Variants in MLLT3 observed in about 807,000 individuals in gnomAD.
The protein encoded by MLLT3 is MLLT3 super elongation complex subunit, also known as protein AF-9.
MLLT3 carries 4 observed loss-of-function variants against 53.2 expected under a neutral mutation model. The observed-to-expected ratio is 0.08, with a 90% confidence interval of 0.04 to 0.17. MLLT3 has a LOEUF of 0.17. Ranked by LOEUF, MLLT3 falls within the 10% of genes least tolerant of loss-of-function variation. The pLI is 1.00. For missense variants in MLLT3, 569 were observed against 684.0 expected (o/e 0.83, Z 1.87); for synonymous variants, 283 against 230.6 (o/e 1.23, Z -2.06).
chr9:20,470,837 C>T (rs1477795430), intron 2 of MLLT3, among the ~76,000 whole-genome samples: 1 of 151,918 alleles, frequency 6.6e-6, no homozygotes, highest in Admixed American at 6.6e-5. Flanking sequence ...CATGCATTTG[C>T]TCTCACACAT....
intron 2 of MLLT3, among the ~76,000 whole-genome samples, chr9:20,497,646 T>C (rs955096164): frequency 4.6e-5 from 7 of 152,214 alleles, no homozygotes; most frequent in Non-Finnish European, 7.3e-5. Flanking sequence ...CATTCCTCTT[T>C]ATTGCTGAGT....
rs553550882 is a variant in MLLT3 at position 20,572,255 on chromosome 9, G to T, written c.193+48399C>A. On this transcript the variant is annotated intron_variant, in intron 2 of 10. Transcript: ENST00000380338. ...GATGTTGGCCAAAGGGCACAAAGCTGCAGTTAAATGGAAGGAATAAGTTCT... is the reference window on the plus strand; with the variant it reads ...GATGTTGGCCAAAGGGCACAAAGCTTCAGTTAAATGGAAGGAATAAGTTCT... Among the ~76,000 whole-genome samples the T allele has an allele frequency of 5.9e-5, 9 of 152,226 alleles. No homozygotes were observed. The East Asian group carries it at 1.7e-3, about 29-fold the overall frequency.
At chr9:20,385,685 T>C (rs1822016731) in intron 5 of MLLT3, among the ~76,000 whole-genome samples, 1 of 152,134 alleles carries the variant, frequency 6.6e-6, no homozygotes, top group African/African-American at 2.4e-5. Flanking sequence ...CACTCCCAAG[T>C]CACAACATTT....
At chr9:20,472,267 C>G (rs1824414349) in intron 2 of MLLT3, among the ~76,000 whole-genome samples, 1 of 151,830 alleles carries the variant, frequency 6.6e-6, no homozygotes, top group Non-Finnish European at 1.5e-5. Flanking sequence ...TTCAAGTTAC[C>G]ATGTATTTCC....
chr9:20,437,023 A>C (rs1823423649), intron 4 of MLLT3, among the ~76,000 whole-genome samples: 1 of 152,128 alleles, frequency 6.6e-6, no homozygotes, highest in African/African-American at 2.4e-5. Flanking sequence ...TAATGTGCCC[A>C]AAGACACACA....
In MLLT3 at chr9:20,363,608, G is replaced by A; in HGVS notation, c.1202-3C>T. ...TTTCATTATAGACCTCAAAGGACCT[G>A]AGTAATGACAATGAACCACAGGCAA... On this transcript the variant is annotated splice_region_variant and splice_polypyrimidine_tract_variant and intron_variant, in intron 6 of 10. Transcript: ENST00000380338. The A allele has an allele frequency of 1.2e-6, 2 of 1,613,010 alleles. No homozygotes were observed. Among genetic ancestry groups the A allele is most frequent in the Non-Finnish European group, 1.7e-6 (2 of 1,179,790 alleles).
intron 3 of MLLT3, among the ~76,000 whole-genome samples, chr9:20,454,634 G>A (rs74706094): frequency 0.021 from 3,266 of 152,222 alleles, 125 homozygotes; most frequent in African/African-American, 0.074. Context: ...CTGGCTTGAA[G>A]GGCTAGATTA....
intron 4 of MLLT3, among the ~76,000 whole-genome samples, chr9:20,442,278 T>C (rs1179820591): frequency 3.3e-5 from 5 of 152,028 alleles, no homozygotes; most frequent in Admixed American, 1.3e-4. Flanking sequence ...AGGCATAGAG[T>C]AGTATAACCT....
chr9:20,483,719 T>C (rs74367776), intron 2 of MLLT3, among the ~76,000 whole-genome samples: 2 of 142,984 alleles, frequency 1.4e-5, no homozygotes, highest in Non-Finnish European at 3.0e-5. Context: ...TTTTTTTTTT[T>C]TTTTCCGAGA....
At chr9:20,468,091 G>T (rs1382177394) in intron 2 of MLLT3, among the ~76,000 whole-genome samples, 1 of 152,164 alleles carries the variant, frequency 6.6e-6, no homozygotes, top group Non-Finnish European at 1.5e-5. Context: ...TAATGCTATT[G>T]CCTACTTCAT....
chr9:20,526,157 A>G (rs774380163), intron 2 of MLLT3, among the ~76,000 whole-genome samples: 7 of 152,232 alleles, frequency 4.6e-5, no homozygotes, highest in African/African-American at 7.2e-5. Flanking sequence ...ACACTCTGCT[A>G]GCTGACAATA....
intron 2 of MLLT3, among the ~76,000 whole-genome samples, chr9:20,475,555 A>G (rs1243176473): frequency 6.6e-6 from 1 of 152,158 alleles, no homozygotes; most frequent in African/African-American, 2.4e-5. Flanking sequence ...TAAGTCATGT[A>G]TATATGAAGG....
At chr9:20,434,757 C>T (rs1823361729) in intron 4 of MLLT3, among the ~76,000 whole-genome samples, 1 of 152,074 alleles carries the variant, frequency 6.6e-6, no homozygotes, top group African/African-American at 2.4e-5. Context: ...ATCTATATCA[C>T]ACACAAAAAC....
intron 2 of MLLT3, among the ~76,000 whole-genome samples, chr9:20,550,152 G>C (rs147500712): frequency 4.9e-4 from 75 of 152,222 alleles, no homozygotes; most frequent in African/African-American, 1.7e-3. Context: ...CTAATCCCAC[G>C]TAACAAGGTT....
At chr9:20,612,618 C>T (rs1270401447) in intron 2 of MLLT3, among the ~76,000 whole-genome samples, 1 of 151,744 alleles carries the variant, frequency 6.6e-6, no homozygotes, top group Non-Finnish European at 1.5e-5. Context: ...AAATGACAAG[C>T]AACCCAATCT....
At chr9:20,503,755 C>T (rs1825307370) in intron 2 of MLLT3, among the ~76,000 whole-genome samples, 1 of 152,060 alleles carries the variant, frequency 6.6e-6, no homozygotes, top group African/African-American at 2.4e-5. Flanking sequence ...AATCAACACA[C>T]TGAAAGACAA....
intron 2 of MLLT3, among the ~76,000 whole-genome samples, chr9:20,462,985 G>T (rs1317088775): frequency 6.6e-6 from 1 of 152,022 alleles, no homozygotes; most frequent in African/African-American, 2.4e-5. Context: ...TGAAAACAAT[G>T]AAACAACAGA....
At chr9:20,507,885 G>A (rs1825425320) in intron 2 of MLLT3, among the ~76,000 whole-genome samples, 1 of 151,646 alleles carries the variant, frequency 6.6e-6, no homozygotes, top group East Asian at 1.9e-4. Flanking sequence ...TCCAAATAAA[G>A]TATGCCTAAA....
intron 4 of MLLT3, among the ~76,000 whole-genome samples, chr9:20,424,188 C>T (rs543688966): frequency 1.3e-5 from 2 of 152,198 alleles, no homozygotes; most frequent in Non-Finnish European, 2.9e-5. Context: ...TACTGAGAGG[C>T]AACTGTAATT....
Sources: gnomAD v4.1 joint callset for allele counts (sites outside exome capture counted in the v4.1 genomes callset) on GRCh38, gnomAD v4.1.1 for gene constraint, MANE v1.5 for transcripts, NCBI Gene and HGNC (gene_info 2026-07-23, HGNC 2026-07-21) for gene names.